Variants in MAK observed in about 807,000 individuals in gnomAD.
MAK encodes the protein serine/threonine-protein kinase MAK.
A neutral mutation model predicts 82.6 loss-of-function variants in MAK; 65 were observed. The ratio of observed to expected loss-of-function variants is 0.79; its 90% CI spans 0.64 to 0.97. The LOEUF is 0.97. Among genes scored for constraint, MAK ranks in the 50% least tolerant of loss-of-function variants. The pLI, the probability that MAK is intolerant of heterozygous loss-of-function variation, is 0.00. For synonymous variants in MAK, 250 were observed against 274.2 expected (o/e 0.91, Z 0.87); for missense variants, 703 against 780.2 (o/e 0.90, Z 1.18).
chr6:10,800,373 AT>A lies in MAK; in HGVS notation c.831+1518del, dbSNP rs1775922521. The stretch of plus-strand genomic sequence containing the variant: ...CTCTGTCTTATCTTTCCATTTTAAG[AT>A]TTTTACATAGAGAAAAATTTTACTT... On this transcript the variant is annotated intron_variant, in intron 8 of 14. Transcript: ENST00000354489. The surrounding 1 kb of genome is among the most constrained non-coding windows in gnomAD (Gnocchi z 4.2). Among the ~76,000 whole-genome samples the A allele has an allele frequency of 6.6e-6, 1 of 152,106 alleles. No homozygotes were observed.
chr6:10,837,825 T>C (rs1312934412), intron 1 of MAK, among the ~76,000 whole-genome samples: 2 of 152,178 alleles, frequency 1.3e-5, no homozygotes, highest in Non-Finnish European at 2.9e-5. Flanking sequence ...CACTTTCTGA[T>C]CCGACTCTGC....
intron 2 of MAK, chr6:10,827,847 A>C (rs1778501303): frequency 6.6e-6 from 1 of 151,816 alleles, no homozygotes; most frequent in East Asian, 1.9e-4. Flanking sequence ...ATGCCCAATT[A>C]ATTTTTGTAT....
chr6:10,772,967 T>C (rs1038149916), intron 13 of MAK, 67 bp downstream of exon 13: 3 of 1,077,070 alleles, frequency 2.8e-6, no homozygotes, highest in Non-Finnish European at 2.7e-6. Context: ...TAGGGGCAAA[T>C]GTTGAGAAGA....
chr6:10,780,113 A>C (rs976390582), intron 11 of MAK: 4 of 224,496 alleles, frequency 1.8e-5, no homozygotes, highest in African/African-American at 7.0e-5. Context: ...ATCCAGCTCC[A>C]GAGGGGTCAT....
chr6:10,796,005 A>C lies in MAK; in HGVS notation c.1136T>G (p.Met379Arg), dbSNP rs2127548077. 1.2e-6 allele frequency: 2 copies of C among 1,613,780 alleles called. No homozygotes were observed. Among genetic ancestry groups the C allele is most frequent in the Non-Finnish European group, 1.7e-6 (2 of 1,179,678 alleles). Reference sequence around the variant, plus strand: ...TCATGACTGGCTACTCACAGTTGGCATGTTTTTGACGATGCTCGGGAATAG... The same window carrying C: ...TCATGACTGGCTACTCACAGTTGGCCTGTTTTTGACGATGCTCGGGAATAG... ...QTLFPSIVKN[M>R]PTKPNGTLSH... Residue 379 changes from methionine to arginine, a missense_variant, in exon 9 of 15, where the codon ATG becomes AGG. Transcript: ENST00000354489.
At chr6:10,837,435 T>C (rs12204666) in intron 1 of MAK, among the ~76,000 whole-genome samples, 1 of 152,114 alleles carries the variant, frequency 6.6e-6, no homozygotes, top group Non-Finnish European at 1.5e-5. Flanking sequence ...GTGCCTGCAG[T>C]GGAAGCAGGC....
chr6:10,770,620 T>C (rs1772916863), intron 13 of MAK, among the ~76,000 whole-genome samples: 3 of 152,228 alleles, frequency 2.0e-5, no homozygotes, highest in Admixed American at 2.0e-4. Flanking sequence ...TCTCTGTGTC[T>C]GTCTTCATTC....
At position 10,830,814 on chromosome 6, in the gene MAK, G is replaced by C; in HGVS notation, c.-166C>G. 1 of 676,152 alleles carries C rather than the reference G, an allele frequency of 1.5e-6. No homozygotes were observed. The highest frequency in any genetic ancestry group is 1.6e-5 in the South Asian group (1 of 64,360). 41.9% of individuals were successfully genotyped at this position (676,152 alleles called of 1,614,324 possible). A position where few individuals can be genotyped will look rare whatever the true frequency, so the allele number is the denominator to read the frequency against. ...ATAGTCTCTCCCCCAAGATTACAGA[G>C]GTTCATGAGATATAGCATGAAGGAA... is the stretch of plus-strand genomic sequence containing the variant. On this transcript the variant is annotated 5_prime_UTR_variant, in exon 2 of 15. Coordinates refer to ENST00000354489, the MANE Select transcript of MAK (RefSeq NM_001242957.3).
intron 9 of MAK, among the ~76,000 whole-genome samples, chr6:10,792,183 T>G (rs1484867585): frequency 1.3e-5 from 2 of 152,216 alleles, no homozygotes; most frequent in African/African-American, 4.8e-5. Flanking sequence ...CTCAAAGCCT[T>G]AGTGTCCTCC....
chr6:10,764,638 T>C (rs760417208), intron 14 of MAK, 32 bp from the exon 15 acceptor site: 3 of 1,600,206 alleles, frequency 1.9e-6, no homozygotes, highest in East Asian at 2.2e-5. Context: ...AAACAGGGTT[T>C]TACTCATTTG....
rs368113476 is a variant in MAK, at chr6:10,837,477, C to G, written c.-230+1026G>C. ...GCGGTTGGGGGAACTTTCTCCCTCC[C>G]GGTCAAGCCTCGGGAATTGAAGGGC... On this transcript the variant is annotated intron_variant, in intron 1 of 14. Transcript: ENST00000354489. 4.1e-4 allele frequency among the ~76,000 whole-genome samples: 62 copies of G among 152,356 alleles called. No homozygotes were observed. In the South Asian group the frequency reaches 0.011, roughly 27 times the overall value.
chr6:10,813,137 T>TATATATATA (rs1456148285), intron 5 of MAK, among the ~76,000 whole-genome samples: 1 of 334 alleles, frequency 3.0e-3, no homozygotes, highest in African/African-American at 0.016. Context: ...TATATATAAA[T>TATATATATA]TTTTTTTTTT....
intron 10 of MAK, 159 bp from the exon 11 acceptor site, chr6:10,784,731 C>T: frequency 1.4e-6 from 1 of 709,468 alleles, no homozygotes; most frequent in Non-Finnish European, 2.5e-6. Context: ...GACAACTTCC[C>T]CTCCACCCGC....
At chr6:10,782,829 C>T (rs1270074149) in intron 11 of MAK, among the ~76,000 whole-genome samples, 3 of 152,142 alleles carry the variant, frequency 2.0e-5, no homozygotes, top group Admixed American at 6.6e-5. Flanking sequence ...CCGCCCACCT[C>T]GGCCTCCCAA....
chr6:10,770,290 A>G (rs1772884567), intron 13 of MAK, 60 bp from the exon 14 acceptor site: 4 of 1,570,860 alleles, frequency 2.5e-6, no homozygotes. Context: ...ACAGTAGAAT[A>G]ACATTGAATA....
rs1037746595 is a variant in MAK at position 10,796,063 on chromosome 6, T to C, written c.1078A>G (p.Lys360Glu). 10 of 1,614,004 alleles carry C rather than the reference T, an allele frequency of 6.2e-6. No individual in the cohort carries two copies. The African/African-American group carries it at 1.2e-4, about 19-fold the overall frequency. Residue 360 changes from lysine (K) to glutamate (E), a missense_variant, in exon 9 of 15, where the codon AAG becomes GAG. Physicochemically the swap from Lys to Glu is moderately conservative, Grantham distance 56. Coordinates refer to ENST00000354489, the MANE Select transcript of MAK (RefSeq NM_001242957.3). ...PQNLSVQQPPKQQSQEKPPQT... is the reference protein window; with the variant it reads ...PQNLSVQQPPEQQSQEKPPQT... ...GGCGGTTTCTCCTGACTCTGTTGCT[T>C]TGGAGGTTGCTGGACGCTCAGGTTC...
intron 6 of MAK, among the ~76,000 whole-genome samples, chr6:10,805,070 C>CGGGGGGG (rs60993333): frequency 1.0e-5 from 1 of 100,218 alleles, no homozygotes; most frequent in African/African-American, 4.3e-5. Flanking sequence ...ATGTGTGTGT[C>CGGGGGGG]GGGGGGGGGG....
intron 11 of MAK, among the ~76,000 whole-genome samples, chr6:10,781,545 T>G (rs561766383): frequency 3.3e-5 from 5 of 149,736 alleles, no homozygotes; most frequent in Non-Finnish European, 7.4e-5. Context: ...TGCCTCACCC[T>G]CCTGAGTAGC....
chr6:10,779,710 G>C (rs1773792011), intron 11 of MAK, among the ~76,000 whole-genome samples: 2 of 152,070 alleles, frequency 1.3e-5, no homozygotes, highest in South Asian at 4.1e-4. Flanking sequence ...TTTTGAGACA[G>C]TTTCACTCTT....
Sources: gnomAD v4.1 joint callset for allele counts (sites outside exome capture counted in the v4.1 genomes callset) on GRCh38, gnomAD v4.1.1 for gene constraint, Gnocchi (gnomAD v3.1) non-coding constraint, MANE v1.5 for transcripts, NCBI Gene and HGNC (gene_info 2026-07-23, HGNC 2026-07-21) for gene names.